LAMC3: variants seen among roughly 807,000 people sequenced by gnomAD.
The protein encoded by LAMC3 is laminin subunit gamma-3.
LAMC3 carries 128 observed loss-of-function variants against 173.8 expected under a neutral mutation model. The ratio of observed to expected loss-of-function variants is 0.74; its 90% CI spans 0.64 to 0.85. The LOEUF is 0.85. Ranked by LOEUF, LAMC3 falls within the 40% of genes least tolerant of loss-of-function variation. The probability of loss-of-function intolerance (pLI) is 0.00; values close to 1 mark genes in which losing one functional copy is unlikely to be tolerated. For synonymous variants in LAMC3, 897 were observed against 909.1 expected, an observed-to-expected ratio of 0.99 and a Z score of 0.24; for missense variants, 2,022 against 2,156.0, an observed-to-expected ratio of 0.94 and a Z score of 1.23.
At chr9:131,031,554 C>CT (rs1206436010) in intron 2 of LAMC3, among the ~76,000 whole-genome samples, 2 of 152,274 alleles carry the variant, frequency 1.3e-5, no homozygotes, top group East Asian at 3.9e-4. Flanking sequence ...CCCCACTGAG[C>CT]AGGGGAGAAG....
Position 131,009,252 on chromosome 9 carries a change from T to A in LAMC3, c.38T>A (p.Leu13Gln). ...AAALLLGLAL[L>Q]APRAAGAGMG... ...GCGCTTCTGCTGGGGCTGGCGCTGC[T>A]GGCACCGCGGGCGGCCGGCGCGGGC... is the stretch of plus-strand genomic sequence containing the variant. Residue 13 changes from leucine (L) to glutamine (Q), a missense_variant, in exon 1 of 28, where the codon CTG becomes CAG. Transcript: ENST00000361069. The surrounding 1 kb of genome is among the most constrained non-coding windows in gnomAD (Gnocchi z 4.3). 1 of 1,293,078 alleles carries A rather than the reference T, an allele frequency of 7.7e-7. No homozygotes were observed. The highest frequency in any genetic ancestry group is 9.8e-7 in the Non-Finnish European group (1 of 1,025,602). 80.1% of individuals were successfully genotyped at this position (1,293,078 alleles called of 1,614,324 possible).
intron 7 of LAMC3, among the ~76,000 whole-genome samples, chr9:131,044,828 G>GTGA (rs1240910015): frequency 6.6e-6 from 1 of 152,204 alleles, no homozygotes; most frequent in Non-Finnish European, 1.5e-5. Flanking sequence ...CTGAGAAGCG[G>GTGA]TGATAGGTTG....
chr9:131,026,686 C>T lies in LAMC3; in HGVS notation c.678+97C>T. ...GTGCCAGGACACACAGGGTGGGGGA[C>T]CTGCAAAACCCCATGGTTTTCTTTT... On this transcript the variant is annotated intron_variant, in intron 2 of 27. Coordinates refer to ENST00000361069, the MANE Select transcript of LAMC3 (RefSeq NM_006059.4). The surrounding 1 kb of genome is among the most constrained non-coding windows in gnomAD (Gnocchi z 4.8). The T allele has an allele frequency of 7.0e-7, 1 of 1,433,036 alleles. No homozygotes were observed. The highest frequency in any genetic ancestry group is 9.1e-7 in the Non-Finnish European group (1 of 1,096,660). The allele number at this position is 1,433,036 out of a possible 1,614,324, so 88.8% of individuals were successfully genotyped here. A position where few individuals can be genotyped will look rare whatever the true frequency, so the allele number is the denominator to read the frequency against.
At chr9:131,073,531 G>A (rs999042166) in intron 20 of LAMC3, among the ~76,000 whole-genome samples, 4 of 152,186 alleles carry the variant, frequency 2.6e-5, no homozygotes, top group African/African-American at 9.6e-5. Context: ...GACTGAAGGC[G>A]TCAGAGAGCA....
In LAMC3 at chr9:131,017,831, G is replaced by T. The variant is rs867456062; in HGVS notation, c.373+8244G>T. On this transcript the variant is annotated intron_variant, in intron 1 of 27. Coordinates refer to ENST00000361069, the MANE Select transcript of LAMC3 (RefSeq NM_006059.4). Reference sequence around the variant, plus strand: ...ACCTTCGGTCAAGAGTTCGAGACCAGCCTGGCCAACATGGCAAAACCCCGT... The same window carrying T: ...ACCTTCGGTCAAGAGTTCGAGACCATCCTGGCCAACATGGCAAAACCCCGT... Among the ~76,000 whole-genome samples, 24 of 150,868 alleles carry T rather than the reference G, an allele frequency of 1.6e-4. No homozygotes were observed. In the Middle Eastern group the frequency reaches 0.011, roughly 66 times the overall value.
chr9:131,084,609 C>T (rs900246286), intron 24 of LAMC3, among the ~76,000 whole-genome samples: 14 of 152,086 alleles, frequency 9.2e-5, no homozygotes, highest in African/African-American at 3.1e-4. Context: ...GGAATTCTAA[C>T]ATTTCCTCTG....
chr9:131,021,540 A>G lies in LAMC3; in HGVS notation c.374-4745A>G, dbSNP rs904820779. Among the ~76,000 whole-genome samples, 5 of 152,190 alleles carry G rather than the reference A, an allele frequency of 3.3e-5. No individual in the cohort carries two copies. The South Asian group carries it at 6.2e-4, about 19-fold the overall frequency. ...TTTCCTCTGCTCTCAGACGACAGCC[A>G]TCATCAACACAGAAGACTTCTGTGA... On this transcript the variant is annotated intron_variant, in intron 1 of 27. Coordinates refer to ENST00000361069, the MANE Select transcript of LAMC3 (RefSeq NM_006059.4).
rs908021743 is a variant in LAMC3 at position 131,049,329 on chromosome 9, C to T, written c.1630+199C>T. 3.9e-5 allele frequency among the ~76,000 whole-genome samples: 6 copies of T among 152,166 alleles called. 1 individual carries two copies. The South Asian group carries it at 1.2e-3, about 32-fold the overall frequency. ...CTTCTGGAGGCCCATGGGAAAGTCC[C>T]TTCCTTGCCTTTCCCAGCCTCTAGA... On this transcript the variant is annotated intron_variant, in intron 9 of 27. Transcript: ENST00000361069.
intron 1 of LAMC3, among the ~76,000 whole-genome samples, chr9:131,016,480 A>G (rs1278228767): frequency 2.0e-5 from 3 of 152,262 alleles, no homozygotes; most frequent in Non-Finnish European, 4.4e-5. Flanking sequence ...AAGACCCACA[A>G]GAATATTCCT....
intron 2 of LAMC3, among the ~76,000 whole-genome samples, chr9:131,028,099 TCCGC>T (rs1564366458): frequency 1.3e-5 from 2 of 151,380 alleles, no homozygotes; most frequent in African/African-American, 2.4e-5. Context: ...CTGCCTGAGC[TCCGC>T]CTCCTGTCAG....
chr9:131,040,323 G>A (rs1409826517), intron 6 of LAMC3, among the ~76,000 whole-genome samples: 1 of 151,918 alleles, frequency 6.6e-6, no homozygotes, highest in Non-Finnish European at 1.5e-5. Context: ...GATTACAAAT[G>A]TGCACCACCA....
Position 131,036,237 on chromosome 9 carries a change from A to G in LAMC3, c.881A>G (p.His294Arg). Residue 294 changes from histidine (H) to arginine (R), a missense_variant, in exon 4 of 28, where the codon CAC becomes CGC. By Grantham distance (29) the His-to-Arg change is conservative. Coordinates refer to ENST00000361069, the MANE Select transcript of LAMC3 (RefSeq NM_006059.4). ...VAGQLACRCQHNTTGTDCERC... is the reference protein window; with the variant it reads ...VAGQLACRCQRNTTGTDCERC... The stretch of plus-strand genomic sequence containing the variant: ...GGCCAGTTGGCCTGCCGGTGCCAGC[A>G]CAACACCACCGGCACAGACTGTGAG... The G allele has an allele frequency of 6.2e-7, 1 of 1,613,082 alleles. No individual in the cohort carries two copies. Among genetic ancestry groups the G allele is most frequent in the Non-Finnish European group, 8.5e-7 (1 of 1,179,786 alleles).
At chr9:131,087,661 C>T (rs1372875261) in intron 26 of LAMC3, 39 bp downstream of exon 26, 7 of 1,613,778 alleles carry the variant, frequency 4.3e-6, no homozygotes, top group Non-Finnish European at 5.9e-6. Flanking sequence ...GCCTCCTGCC[C>T]CTGGCAGCCC....
intron 1 of LAMC3, among the ~76,000 whole-genome samples, chr9:131,022,082 G>A (rs1833635592): frequency 6.6e-6 from 1 of 152,154 alleles, no homozygotes; most frequent in African/African-American, 2.4e-5. Flanking sequence ...CGGTCAGAAA[G>A]GTGGGGGAAC....
Position 131,085,286 on chromosome 9 carries a change from A to C in LAMC3, c.4031-238A>C, listed in dbSNP as rs1241562174. ...CCATGTAATTCCTTGACTTTAATAG[A>C]CATCCTAATAGAATGAATACTCATC... On this transcript the variant is annotated intron_variant, in intron 24 of 27. Coordinates refer to ENST00000361069, the MANE Select transcript of LAMC3 (RefSeq NM_006059.4). Among the ~76,000 whole-genome samples the C allele has an allele frequency of 2.0e-5, 3 of 152,182 alleles. No individual in the cohort carries two copies. In the South Asian group the frequency reaches 6.2e-4, roughly 31 times the overall value.
chr9:131,069,074 G>T, intron 16 of LAMC3, 24 bp downstream of exon 16: 1 of 1,612,636 alleles, frequency 6.2e-7, no homozygotes, highest in Middle Eastern at 1.9e-4. Context: ...GTCCTTCCCG[G>T]GCTGCCCTGA....
rs191371201 is a variant in LAMC3, at chr9:131,080,945, A to G, written c.3928-1114A>G. Reference sequence around the variant, plus strand: ...ACATTCACGTGGCATACAAACACCCATTTTAGATGCAATGGCTTTAGCACG... The same window carrying G: ...ACATTCACGTGGCATACAAACACCCGTTTTAGATGCAATGGCTTTAGCACG... On this transcript the variant is annotated intron_variant, in intron 23 of 27. Transcript: ENST00000361069. Among the ~76,000 whole-genome samples, 179 of 152,288 alleles carry G rather than the reference A, an allele frequency of 1.2e-3. 1 individual carries two copies. Among genetic ancestry groups the G allele is most frequent in the South Asian group, 9.1e-3 (44 of 4,828 alleles).
Position 131,081,477 on chromosome 9 carries a change from TTCTC to T in LAMC3, c.3928-576_3928-573del, listed in dbSNP as rs202048895. ...TCCCTCCCTCCCTTCCTTCCTTTCTTTCTCTCTCTTTTTTAGATGGAATCTTTAT... is the reference window on the plus strand; with the variant it reads ...TCCCTCCCTCCCTTCCTTCCTTTCTTTCTCTTTTTTAGATGGAATCTTTAT... On this transcript the variant is annotated intron_variant, in intron 23 of 27. Transcript: ENST00000361069. Among the ~76,000 whole-genome samples, 199 of 108,176 alleles carry T rather than the reference TTCTC, an allele frequency of 1.8e-3. 4 individuals are homozygous for T. In the East Asian group the frequency reaches 0.044, roughly 24 times the overall value. The allele number at this position is 108,176 out of a possible 152,430, so 71.0% of individuals were successfully genotyped here.
At chr9:131,050,749 C>G (rs1010190274) in intron 9 of LAMC3, among the ~76,000 whole-genome samples, 1 of 148,178 alleles carries the variant, frequency 6.7e-6, no homozygotes. Flanking sequence ...GCCTGGGCGA[C>G]AGAGTGAGAC....
Sources: gnomAD v4.1 joint callset for allele counts (sites outside exome capture counted in the v4.1 genomes callset) on GRCh38, gnomAD v4.1.1 for gene constraint, Gnocchi (gnomAD v3.1) non-coding constraint, MANE v1.5 for transcripts, NCBI Gene and HGNC (gene_info 2026-07-23, HGNC 2026-07-21) for gene names.